The following TBX20 variants were observed in gnomAD, a reference collection of about 807,000 sequenced individuals.
TBX20 encodes the protein T-box transcription factor 20, also known as T-box transcription factor TBX20.
A neutral mutation model predicts 42.9 loss-of-function variants in TBX20; 8 were observed. The observed-to-expected ratio is 0.19, with a 90% CI of 0.11 to 0.34. The LOEUF (loss-of-function observed/expected upper bound fraction) is 0.34. Ranked by LOEUF, TBX20 falls within the 10% of genes least tolerant of loss-of-function variation. TBX20 has a pLI of 1.00. For missense variants in TBX20, 411 were observed against 566.0 expected (o/e 0.73, Z 2.78); for synonymous variants, 198 against 222.8 (o/e 0.89, Z 0.99).
rs1313679809 is a variant in TBX20, at chr7:35,250,290, G to C, written c.128-87C>G. ...GAACAGCATAACCAAATGGTCACTTGGATTTGACTCAGGAAAAGTTAAGCT... is the reference window on the plus strand; with the variant it reads ...GAACAGCATAACCAAATGGTCACTTCGATTTGACTCAGGAAAAGTTAAGCT... On this transcript the variant is annotated intron_variant, in intron 1 of 7. Transcript: ENST00000408931. 19 of 1,531,048 alleles carry C rather than the reference G, an allele frequency of 1.2e-5. No homozygotes were observed. In the East Asian group the frequency reaches 3.7e-4, roughly 30 times the overall value. 94.8% of individuals were successfully genotyped at this position (1,531,048 alleles called of 1,614,324 possible). A position where few individuals can be genotyped will look rare whatever the true frequency, so the allele number is the denominator to read the frequency against.
At chr7:35,251,319 G>A (rs1790301692) in intron 1 of TBX20, among the ~76,000 whole-genome samples, 1 of 152,152 alleles carries the variant, frequency 6.6e-6, no homozygotes, top group Admixed American at 6.5e-5. Flanking sequence ...GACACGCACA[G>A]ATCATAAGGT....
chr7:35,252,773 A>T (rs1208702684), intron 1 of TBX20, among the ~76,000 whole-genome samples: 1 of 152,216 alleles, frequency 6.6e-6, no homozygotes, highest in African/African-American at 2.4e-5. Flanking sequence ...GTTCTTTTCC[A>T]TGTAATTCAC....
At chr7:35,248,640 T>C (rs1790239894) in intron 3 of TBX20, 37 bp downstream of exon 3, 1 of 1,610,358 alleles carries the variant, frequency 6.2e-7, no homozygotes, top group Admixed American at 1.7e-5. Context: ...ACAGATGCAC[T>C]AACAGTTTTC....
chr7:35,205,043 G>C (rs1435935795), intron 6 of TBX20, among the ~76,000 whole-genome samples: 2 of 152,132 alleles, frequency 1.3e-5, no homozygotes, highest in African/African-American at 4.8e-5. Flanking sequence ...TTGGCAAAAA[G>C]TTCAAATTAT....
chr7:35,246,565 T>C (rs1047105174), intron 3 of TBX20, among the ~76,000 whole-genome samples: 5 of 152,186 alleles, frequency 3.3e-5, no homozygotes, highest in Non-Finnish European at 7.4e-5. Flanking sequence ...AGATGTCCTA[T>C]ATGAAAAGGT....
Position 35,244,969 on chromosome 7 carries a change from C to A in TBX20, c.634G>T (p.Glu212Ter). 1 of 1,613,574 alleles carries A rather than the reference C, an allele frequency of 6.2e-7. No individual in the cohort carries two copies. The highest frequency in any genetic ancestry group is 8.5e-7 in the Non-Finnish European group (1 of 1,179,564). The change falls in exon 4 of 8, where the codon GAA (glutamate) becomes TAA (stop). Residue 212 changes from glutamate (E) to a stop codon, truncating the protein, a stop_gained. Coordinates refer to ENST00000408931, the MANE Select transcript of TBX20 (RefSeq NM_001077653.2). LOFTEE classifies it high-confidence loss of function. ...CTTACATGGCCATGTTGATCCAGTT[C>A]ATTGTTGGTGAGTTTCACCTTTTCA... ...SFEKVKLTNNELDQHGHIILN... is the reference protein window; with the variant it reads ...SFEKVKLTNN
rs1317432142 is a variant in TBX20 at position 35,253,825 on chromosome 7, G to C, written c.-205C>G. On this transcript the variant is annotated 5_prime_UTR_variant, in exon 1 of 8. Coordinates refer to ENST00000408931, the MANE Select transcript of TBX20 (RefSeq NM_001077653.2). ...CACCGCAAAGCCCCAGAGCCGCAGA[G>C]ACTTCGAAGGCAGCCGGAGAGGAGA... 1.6e-5 allele frequency: 10 copies of C among 635,304 alleles called. No individual in the cohort carries two copies. The highest frequency in any genetic ancestry group is 2.6e-5 in the Non-Finnish European group (10 of 379,398). 39.4% of individuals were successfully genotyped at this position (635,304 alleles called of 1,614,324 possible).
Position 35,248,862 on chromosome 7 carries a change from G to A in TBX20, c.381-21C>T, listed in dbSNP as rs1562567775. The A allele has an allele frequency of 2.5e-6, 4 of 1,611,438 alleles. No homozygotes were observed. In the East Asian group the frequency reaches 6.7e-5, roughly 27 times the overall value. ...TCCTCCTGACAGAGAGAGAGAGAGA[G>A]AATGGGCCCTGTTTATGCTGCCTAA... On this transcript the variant is annotated intron_variant, in intron 2 of 7. Coordinates refer to ENST00000408931, the MANE Select transcript of TBX20 (RefSeq NM_001077653.2).
At chr7:35,223,177 G>A (rs878976562) in intron 6 of TBX20, among the ~76,000 whole-genome samples, 17 of 152,250 alleles carry the variant, frequency 1.1e-4, no homozygotes, top group Admixed American at 4.6e-4. Flanking sequence ...CAAGTTTTTC[G>A]GCCAGAACAC....
chr7:35,228,244 G>A (rs1432274537), intron 6 of TBX20, among the ~76,000 whole-genome samples: 2 of 151,978 alleles, frequency 1.3e-5, no homozygotes, highest in Admixed American at 1.3e-4. Context: ...TAATGCATAG[G>A]ATTAGTCAAA....
At chr7:35,205,825 G>C (rs184398937) in intron 6 of TBX20, among the ~76,000 whole-genome samples, 95 of 152,252 alleles carry the variant, frequency 6.2e-4, no homozygotes, top group Non-Finnish European at 1.2e-3. Flanking sequence ...AATTATTTTA[G>C]AGTAAGAATA....
Position 35,245,018 on chromosome 7 carries a change from T to C in TBX20, c.585A>G (p.Gln195=). 2 of 1,613,852 alleles carry C rather than the reference T, an allele frequency of 1.2e-6. No individual in the cohort carries two copies. Among genetic ancestry groups the C allele is most frequent in the Non-Finnish European group, 1.7e-6 (2 of 1,179,788 alleles). ...VHPDSPFTGE[Q]LLKQMVSFEK... ...CAAAAGACACCATCTGTTTGAGTAG[T>C]TGCTCACCGGTAAAAGGAGAATCTG... Residue 195 remains glutamine, a synonymous_variant, in exon 4 of 8, where the codon CAA becomes CAG. Transcript: ENST00000408931.
chr7:35,223,067 G>GT (rs1465581115), intron 6 of TBX20, among the ~76,000 whole-genome samples: 1 of 152,234 alleles, frequency 6.6e-6, no homozygotes, highest in Non-Finnish European at 1.5e-5. Context: ...AGTGAAGACA[G>GT]TAAGTAGTTG....
Position 35,254,094 on chromosome 7 carries a change from A to G in TBX20, c.-474T>C, listed in dbSNP as rs2128716712. 1 of 153,080 alleles carries G rather than the reference A, an allele frequency of 6.5e-6. No individual in the cohort carries two copies. The allele number at this position is 153,080 out of a possible 1,614,324, so 9.5% of individuals were successfully genotyped here. On this transcript the variant is annotated 5_prime_UTR_variant, in exon 1 of 8. Coordinates refer to ENST00000408931, the MANE Select transcript of TBX20 (RefSeq NM_001077653.2). ...GGGAGCGCGGCGCGGAACTACGGAC[A>G]GTGAGCCCTGGCGCTCGCTGCCCTG...
At chr7:35,224,543 A>G (rs528617140) in intron 6 of TBX20, among the ~76,000 whole-genome samples, 1 of 152,320 alleles carries the variant, frequency 6.6e-6, no homozygotes, top group South Asian at 2.1e-4. Context: ...GTGGTGGCAC[A>G]TGCCTGTAAT....
At position 35,248,819 on chromosome 7, in the gene TBX20, C is replaced by T; in HGVS notation, c.403G>A (p.Val135Met). ...SGRRMFPTIR[V>M]SFSGVDPEAK... Reference sequence around the variant, plus strand: ...TCAGGATCCACCCCCGAAAAGGACACCCGGATGGTTGGAAACATCCTCCTG... The same window carrying T: ...TCAGGATCCACCCCCGAAAAGGACATCCGGATGGTTGGAAACATCCTCCTG... Residue 135 changes from valine (V) to methionine (M), a missense_variant, in exon 3 of 8, where the codon GTG becomes ATG. Around this residue, in one of 5 missense-constraint regions of TBX20, gnomAD observed 121 missense variants for 165.9 expected, o/e 0.73. Coordinates refer to ENST00000408931, the MANE Select transcript of TBX20 (RefSeq NM_001077653.2). 1 of 1,614,058 alleles carries T rather than the reference C, an allele frequency of 6.2e-7. No homozygotes were observed. The highest frequency in any genetic ancestry group is 8.5e-7 in the Non-Finnish European group (1 of 1,180,018).
chr7:35,234,747 T>C (rs1344168631), intron 5 of TBX20, among the ~76,000 whole-genome samples: 2 of 152,220 alleles, frequency 1.3e-5, no homozygotes, highest in South Asian at 2.1e-4. Flanking sequence ...TCTATTTCTA[T>C]TTAATCTAAT....
At chr7:35,229,886 ATT>A (rs1460105571) in intron 6 of TBX20, among the ~76,000 whole-genome samples, 2 of 152,018 alleles carry the variant, frequency 1.3e-5, no homozygotes, top group Non-Finnish European at 2.9e-5. Flanking sequence ...GAGCAGGGTT[ATT>A]TTTTCCATTT....
chr7:35,214,758 C>T (rs987324513), intron 6 of TBX20, among the ~76,000 whole-genome samples: 2 of 152,150 alleles, frequency 1.3e-5, no homozygotes, highest in South Asian at 2.1e-4. Context: ...AGCTGATGTC[C>T]TTTAAGTCTG....
Sources: gnomAD v4.1 joint callset for allele counts (sites outside exome capture counted in the v4.1 genomes callset) on GRCh38, gnomAD v4.1.1 for gene constraint, gnomAD v4.1.1 regional missense constraint, MANE v1.5 for transcripts, NCBI Gene and HGNC (gene_info 2026-07-23, HGNC 2026-07-21) for gene names.